The following PLSCR4 variants were observed in gnomAD, a reference collection of about 807,000 sequenced individuals.
PLSCR4 encodes Ca(2+)-dependent phospholipid scramblase 4.
A neutral mutation model predicts 36.3 loss-of-function variants in PLSCR4; 25 were observed. The ratio of observed to expected loss-of-function variants is 0.69; its 90% CI spans 0.50 to 0.96. The LOEUF is 0.96. Among genes scored for constraint, PLSCR4 ranks in the 40% least tolerant of loss-of-function variants. PLSCR4 has a pLI of 0.00. For missense variants in PLSCR4, 408 were observed against 414.7 expected, an observed-to-expected ratio of 0.98 and a Z score of 0.14; for synonymous variants, 122 against 132.9, an observed-to-expected ratio of 0.92 and a Z score of 0.56.
chr3:146,247,818 C>T (rs372760296), intron 1 of PLSCR4, among the ~76,000 whole-genome samples: 8 of 152,136 alleles, frequency 5.3e-5, no homozygotes, highest in South Asian at 4.2e-4. Context: ...GGTGGGGTAT[C>T]GCCATGTTTC....
chr3:146,201,188 T>C lies in PLSCR4; in HGVS notation c.355-111A>G, dbSNP rs191128116. The C allele has an allele frequency of 5.1e-4, 336 of 661,284 alleles. 2 individuals are homozygous for C. The African/African-American group carries it at 5.4e-3, about 11-fold the overall frequency. The allele number at this position is 661,284 out of a possible 1,614,324, so 41.0% of individuals were successfully genotyped here. ...AAATGCATCAATTGATACCAAAATATATTTTTGAAAGTCAATAGAATCAAA... is the reference window on the plus strand; with the variant it reads ...AAATGCATCAATTGATACCAAAATACATTTTTGAAAGTCAATAGAATCAAA... On this transcript the variant is annotated intron_variant, in intron 4 of 8. Coordinates refer to ENST00000354952, the MANE Select transcript of PLSCR4 (RefSeq NM_020353.3).
chr3:146,220,958 AG>A, intron 2 of PLSCR4, 33 bp from the exon 3 acceptor site: 1 of 1,276,646 alleles, frequency 7.8e-7, no homozygotes, highest in Non-Finnish European at 1.1e-6. Context: ...TGACTTACAA[AG>A]GAAACAATAA....
chr3:146,215,178 A>G (rs2034834940), intron 3 of PLSCR4, among the ~76,000 whole-genome samples: 1 of 152,060 alleles, frequency 6.6e-6, no homozygotes, highest in Admixed American at 6.5e-5. Flanking sequence ...AATAATTCAA[A>G]TATTAATTTT....
In PLSCR4 at chr3:146,195,136, A is replaced by G. The variant is rs779253488; in HGVS notation, c.933T>C (p.Ala311=). 5 of 1,613,858 alleles carry G rather than the reference A, an allele frequency of 3.1e-6. No individual in the cohort carries two copies. The highest frequency in any genetic ancestry group is 4.2e-6 in the Non-Finnish European group (5 of 1,179,812). The change falls in exon 8 of 9, where the codon GCT becomes GCC. Residue 311 remains alanine, a synonymous_variant. Coordinates refer to ENST00000354952, the MANE Select transcript of PLSCR4 (RefSeq NM_020353.3). ...ATAGAAGGCTTACAATGAGGAAGCA[A>G]GCTCCAAAAATCATGGCTTTCATCT... ...DVKMKAMIFG[A]CFLIDFMYFE...
intron 4 of PLSCR4, among the ~76,000 whole-genome samples, chr3:146,203,298 A>C (rs2034139715): frequency 1.3e-5 from 2 of 151,990 alleles, no homozygotes; most frequent in African/African-American, 4.8e-5. Flanking sequence ...AAACAACATT[A>C]ATCTCCTTAT....
At chr3:146,201,165 A>G in intron 4 of PLSCR4, 88 bp from the exon 5 acceptor site, 1 of 783,072 alleles carries the variant, frequency 1.3e-6, no homozygotes, top group Non-Finnish European at 2.0e-6. Context: ...AGATATTAAA[A>G]TGCATCAATT....
chr3:146,224,104 A>C (rs7611459), intron 1 of PLSCR4, among the ~76,000 whole-genome samples: 55,189 of 151,640 alleles, frequency 0.36, 10,137 homozygotes, highest in African/African-American at 0.41. Context: ...CTTTCTAGAA[A>C]TTTAGACACT....
Position 146,251,097 on chromosome 3 carries a change from G to A in PLSCR4, c.-159C>T, listed in dbSNP as rs1393106648. The A allele has an allele frequency of 1.3e-5, 2 of 152,396 alleles. No homozygotes were observed. Among genetic ancestry groups the A allele is most frequent in the South Asian group, 2.1e-4 (1 of 4,826 alleles). The allele number at this position is 152,396 out of a possible 1,614,324, so 9.4% of individuals were successfully genotyped here. A position where few individuals can be genotyped will look rare whatever the true frequency, so the allele number is the denominator to read the frequency against. On this transcript the variant is annotated 5_prime_UTR_variant, in exon 1 of 9. Transcript: ENST00000354952. ...CAAGTTATAAACAAAGTAAGCGCGC[G>A]GAAGGGAGGGCTAGGCGCGGGTTCT...
intron 1 of PLSCR4, among the ~76,000 whole-genome samples, chr3:146,238,277 C>T (rs73865378): frequency 0.011 from 1,678 of 151,050 alleles, 33 homozygotes; most frequent in African/African-American, 0.038. Context: ...TGAATATCAA[C>T]CCTTCGCAAA....
At chr3:146,195,065 A>C in intron 8 of PLSCR4, 59 bp downstream of exon 8, 1 of 1,469,888 alleles carries the variant, frequency 6.8e-7, no homozygotes, top group South Asian at 1.2e-5. Context: ...ACTACACTAT[A>C]CTGCTTCTCC....
intron 4 of PLSCR4, among the ~76,000 whole-genome samples, chr3:146,204,362 C>T (rs775593281): frequency 6.6e-5 from 10 of 151,998 alleles, no homozygotes; most frequent in Non-Finnish European, 1.3e-4. Context: ...ACATAGCTTT[C>T]ATCCATTGGG....
chr3:146,241,962 T>C (rs1399518712), intron 1 of PLSCR4, among the ~76,000 whole-genome samples: 1 of 152,140 alleles, frequency 6.6e-6, no homozygotes, highest in African/African-American at 2.4e-5. Context: ...CCTCTGTAAA[T>C]AGCAGACTGC....
chr3:146,213,646 G>A (rs1355278302), intron 3 of PLSCR4, among the ~76,000 whole-genome samples: 1 of 151,954 alleles, frequency 6.6e-6, no homozygotes, highest in Non-Finnish European at 1.5e-5. Context: ...AAGCCATTTG[G>A]GCCTTAGCTT....
chr3:146,250,341 A>C (rs1000982070), intron 1 of PLSCR4, among the ~76,000 whole-genome samples: 3 of 152,180 alleles, frequency 2.0e-5, no homozygotes, highest in Non-Finnish European at 2.9e-5. Flanking sequence ...TTCTAAATGC[A>C]GTATAAAATT....
intron 4 of PLSCR4, among the ~76,000 whole-genome samples, chr3:146,202,692 C>T (rs914582633): frequency 6.6e-6 from 1 of 152,028 alleles, no homozygotes; most frequent in South Asian, 2.1e-4. Flanking sequence ...CTTTTTAGTA[C>T]TTTACCACAG....
intron 3 of PLSCR4, among the ~76,000 whole-genome samples, chr3:146,216,936 C>T (rs566323081): frequency 6.6e-6 from 1 of 152,220 alleles, no homozygotes; most frequent in African/African-American, 2.4e-5. Flanking sequence ...ATTTTGGTTA[C>T]TCATAAAAAT....
chr3:146,216,443 A>G (rs2034893559), intron 3 of PLSCR4, among the ~76,000 whole-genome samples: 1 of 152,118 alleles, frequency 6.6e-6, no homozygotes, highest in African/African-American at 2.4e-5. Context: ...AAAAAAAATA[A>G]AAAGAAAGAT....
chr3:146,210,454 T>A (rs1469997893), intron 3 of PLSCR4, among the ~76,000 whole-genome samples: 1 of 152,026 alleles, frequency 6.6e-6, no homozygotes, highest in Admixed American at 6.6e-5. Context: ...GAGAAAAAAA[T>A]CACCTCAACA....
At chr3:146,226,812 T>TA (rs564930077) in intron 1 of PLSCR4, among the ~76,000 whole-genome samples, 2 of 152,150 alleles carry the variant, frequency 1.3e-5, no homozygotes, top group Non-Finnish European at 2.9e-5. Context: ...AAAAAATAAA[T>TA]AAAATTTTAG....
Sources: allele counts gnomAD v4.1 joint callset (sites outside exome capture counted in the v4.1 genomes callset), GRCh38; gene constraint gnomAD v4.1.1; transcripts MANE v1.5; gene names NCBI Gene and HGNC (gene_info 2026-07-23, HGNC 2026-07-21).